The following HDAC8 variants were observed in gnomAD, a reference collection of about 807,000 sequenced individuals.
HDAC8 encodes the protein histone deacetylase-like 1.
Under a neutral mutation model 32.2 loss-of-function variants are expected in HDAC8, and 1 was observed. That is an observed-to-expected ratio of 0.03 (90% CI 0.01 to 0.15). HDAC8 has a LOEUF of 0.15. Among genes scored for constraint, HDAC8 ranks in the 10% least tolerant of loss-of-function variants. The pLI, the probability that HDAC8 is intolerant of heterozygous loss-of-function variation, is 1.00. For missense variants in HDAC8, 117 were observed against 300.0 expected (o/e 0.39, Z 4.51); for synonymous variants, 108 against 113.9 (o/e 0.95, Z 0.33).
At chrX:72,548,589 C>A (rs1227404094) in intron 4 of HDAC8, among the ~76,000 whole-genome samples, 2 of 111,971 alleles carry the variant, frequency 1.8e-5, no homozygotes, top group African/African-American at 6.5e-5. Flanking sequence ...ACTGGCACAT[C>A]CCTTTTCATC....
chrX:72,426,470 T>G (rs1435791207), intron 9 of HDAC8, among the ~76,000 whole-genome samples: 1 of 111,928 alleles, frequency 8.9e-6, no homozygotes, highest in African/African-American at 3.2e-5. Context: ...GAGTTCAAAG[T>G]TTGTGTAAAA....
chrX:72,539,247 T>C (rs1421689597), intron 4 of HDAC8, among the ~76,000 whole-genome samples: 1 of 111,479 alleles, frequency 9.0e-6, no homozygotes, highest in Non-Finnish European at 1.9e-5. Context: ...TATGTATTTA[T>C]TTTGAGACGG....
chrX:72,560,051 G>A (rs2051484015), intron 4 of HDAC8, among the ~76,000 whole-genome samples: 2 of 112,994 alleles, frequency 1.8e-5, no homozygotes, highest in African/African-American at 3.2e-5. Flanking sequence ...CCACCACCCC[G>A]TCTGGGAGGT....
At chrX:72,367,093 T>G (rs1342597828) in intron 9 of HDAC8, among the ~76,000 whole-genome samples, 1 of 112,334 alleles carries the variant, frequency 8.9e-6, no homozygotes, top group Non-Finnish European at 1.9e-5. Flanking sequence ...GGGTATTTGC[T>G]CTCCAAGGTT....
At chrX:72,372,888 C>G (rs1250221987) in intron 9 of HDAC8, among the ~76,000 whole-genome samples, 1 of 111,209 alleles carries the variant, frequency 9.0e-6, no homozygotes, top group African/African-American at 3.3e-5. Flanking sequence ...TAAGGATTTG[C>G]TATTATTTAT....
chrX:72,406,343 C>G (rs1368391598), intron 9 of HDAC8, among the ~76,000 whole-genome samples: 1 of 112,003 alleles, frequency 8.9e-6, no homozygotes, highest in Non-Finnish European at 1.9e-5. Context: ...ATCCTCCAAC[C>G]TCAGCCTCCT....
At chrX:72,337,026 A>C (rs1173710864) in intron 10 of HDAC8, among the ~76,000 whole-genome samples, 1 of 112,399 alleles carries the variant, frequency 8.9e-6, no homozygotes, top group Non-Finnish European at 1.9e-5. Flanking sequence ...CTGAGATTAC[A>C]GGAGTGAGCT....
intron 4 of HDAC8, among the ~76,000 whole-genome samples, chrX:72,523,605 A>G (rs1326295968): frequency 6.3e-5 from 7 of 111,171 alleles, no homozygotes; most frequent in Non-Finnish European, 1.1e-4. Flanking sequence ...TCTTCTCTTC[A>G]GCTCTACCCA....
At chrX:72,376,189 G>A (rs971126156) in intron 9 of HDAC8, among the ~76,000 whole-genome samples, 2 of 110,928 alleles carry the variant, frequency 1.8e-5, no homozygotes, top group African/African-American at 3.3e-5. Flanking sequence ...GATCACAGGC[G>A]TGAGACGCTG....
chrX:72,555,286 C>G (rs1334995793), intron 4 of HDAC8, among the ~76,000 whole-genome samples: 1 of 112,006 alleles, frequency 8.9e-6, no homozygotes, highest in Non-Finnish European at 1.9e-5. Flanking sequence ...CAGATACAGT[C>G]TACCCAAATG....
At chrX:72,435,073 C>T (rs1283395745) in intron 9 of HDAC8, among the ~76,000 whole-genome samples, 1 of 112,324 alleles carries the variant, frequency 8.9e-6, no homozygotes, top group Non-Finnish European at 1.9e-5. Flanking sequence ...ATATAATGAA[C>T]AGTAAGTCTT....
chrX:72,418,756 A>G (rs782485498), intron 9 of HDAC8, among the ~76,000 whole-genome samples: 1 of 111,303 alleles, frequency 9.0e-6, no homozygotes, highest in Non-Finnish European at 1.9e-5. Flanking sequence ...TAGGATTGTT[A>G]TGGTTTTAGC....
intron 10 of HDAC8, among the ~76,000 whole-genome samples, chrX:72,344,986 C>T (rs994676266): frequency 3.6e-5 from 4 of 111,468 alleles, no homozygotes; most frequent in Admixed American, 9.6e-5. Context: ...AGCCTGCAAT[C>T]GGCCCCCCAT....
intron 5 of HDAC8, among the ~76,000 whole-genome samples, chrX:72,491,828 T>A (rs1169715529): frequency 3.6e-5 from 4 of 111,696 alleles, no homozygotes; most frequent in Non-Finnish European, 7.5e-5. Context: ...TCACATATAG[T>A]CACACTATGT....
chrX:72,503,998 A>T (rs2148172618), intron 4 of HDAC8, among the ~76,000 whole-genome samples: 1 of 112,208 alleles, frequency 8.9e-6, no homozygotes, highest in East Asian at 2.8e-4. Flanking sequence ...CAGCAAGTAA[A>T]ATCTTCTTAG....
At chrX:72,411,845 A>G (rs1456971597) in intron 9 of HDAC8, among the ~76,000 whole-genome samples, 2 of 112,172 alleles carry the variant, frequency 1.8e-5, no homozygotes, top group Non-Finnish European at 1.9e-5. Context: ...GCTTGGGCCA[A>G]TGGAATTCAA....
At chrX:72,504,501 G>A (rs146552730) in intron 4 of HDAC8, among the ~76,000 whole-genome samples, 1,188 of 111,245 alleles carry the variant, frequency 0.011, 9 homozygotes, top group Non-Finnish European at 0.016. Flanking sequence ...GCATGTGCCA[G>A]TACTCTGTTC....
At chrX:72,387,553 C>A (rs781933486) in intron 9 of HDAC8, among the ~76,000 whole-genome samples, 1 of 111,575 alleles carries the variant, frequency 9.0e-6, no homozygotes, top group Non-Finnish European at 1.9e-5. Flanking sequence ...AGCTCAGACT[C>A]CAGAGCCACC....
chrX:72,418,647 C>T (rs1555972613), intron 9 of HDAC8, among the ~76,000 whole-genome samples: 1 of 111,821 alleles, frequency 8.9e-6, no homozygotes, highest in South Asian at 3.7e-4. Context: ...GAACTTAGAA[C>T]AGAACTACCA....
Sources: gnomAD v4.1 joint callset for allele counts (sites outside exome capture counted in the v4.1 genomes callset) on GRCh38, gnomAD v4.1.1 for gene constraint, MANE v1.5 for transcripts, NCBI Gene and HGNC (gene_info 2026-07-23, HGNC 2026-07-21) for gene names.